FMNL3: variants seen among roughly 807,000 people sequenced by gnomAD.
FMNL3 encodes the protein formin-like protein 3.
FMNL3 carries 57 observed loss-of-function variants against 119.6 expected under a neutral mutation model. The ratio of observed to expected loss-of-function variants is 0.48; its 90% confidence interval spans 0.39 to 0.59. The LOEUF (loss-of-function observed/expected upper bound fraction) is 0.59. FMNL3 is among the 20% of genes least tolerant of loss of function. The pLI, the probability that FMNL3 is intolerant of heterozygous loss-of-function variation, is 0.00. For missense variants in FMNL3, 1,053 were observed against 1,323.5 expected (o/e 0.80, Z 3.17); for synonymous variants, 491 against 507.3 (o/e 0.97, Z 0.43).
chr12:49,668,081 C>T (rs1016394705), intron 2 of FMNL3, among the ~76,000 whole-genome samples: 15 of 152,200 alleles, frequency 9.9e-5, no homozygotes, highest in African/African-American at 3.6e-4. Context: ...GCTTCTCATT[C>T]CTAGAGGCCC....
rs775448396 is a variant in FMNL3 at position 49,643,992 on chromosome 12, CAAG to C, written c.*1820_*1822del. On this transcript the variant is annotated 3_prime_UTR_variant, in exon 26 of 26. Transcript: ENST00000335154. ...CTAACCGTTCCCCAGGCTTTGGAATCAAGAAGGAGAAGGTGAGGGGCAGGGGCC... is the reference window on the plus strand; with the variant it reads ...CTAACCGTTCCCCAGGCTTTGGAATCAAGGAGAAGGTGAGGGGCAGGGGCC... 33 of 1,614,052 alleles carry C rather than the reference CAAG, an allele frequency of 2.0e-5. No homozygotes were observed. Among genetic ancestry groups the C allele is most frequent in the African/African-American group, 2.7e-5 (2 of 74,926 alleles).
At chr12:49,682,187 C>T (rs1217052140) in intron 1 of FMNL3, among the ~76,000 whole-genome samples, 2 of 151,920 alleles carry the variant, frequency 1.3e-5, no homozygotes, top group East Asian at 1.9e-4. Flanking sequence ...TCTCCTGCCT[C>T]AGCCTCCCAA....
intron 5 of FMNL3, chr12:49,659,954 G>A (rs1400729312): frequency 2.0e-6 from 2 of 985,438 alleles, no homozygotes; most frequent in Non-Finnish European, 2.4e-6. Flanking sequence ...AGAGGTTGAG[G>A]CTTTCTGGAA....
At chr12:49,667,991 G>C (rs1242668948) in intron 2 of FMNL3, among the ~76,000 whole-genome samples, 2 of 152,184 alleles carry the variant, frequency 1.3e-5, no homozygotes, top group South Asian at 4.1e-4. Flanking sequence ...TTCTCTTCCA[G>C]CTCTCAACAC....
At chr12:49,666,343 T>C (rs1051007190) in intron 2 of FMNL3, 136 bp from the exon 3 acceptor site, 3 of 691,682 alleles carry the variant, frequency 4.3e-6, no homozygotes, top group African/African-American at 3.6e-5. Flanking sequence ...GCTCTAGATA[T>C]CACCTAAACT....
In FMNL3 at chr12:49,642,496, CCCAG is replaced by C; in HGVS notation, c.*3315_*3318del. On this transcript the variant is annotated 3_prime_UTR_variant, in exon 26 of 26. Coordinates refer to ENST00000335154, the MANE Select transcript of FMNL3 (RefSeq NM_175736.5). The surrounding 1 kb of genome is among the most constrained non-coding windows in gnomAD (Gnocchi z 5.8). ...GCTCCAGTTCCCTTCCTTTCTCTGC[CCCAG>C]CCCTGCCCTGTGCTCATGGCGGTGT... The C allele has an allele frequency of 6.3e-7, 1 of 1,578,966 alleles. No homozygotes were observed. Among genetic ancestry groups the C allele is most frequent in the South Asian group, 1.1e-5 (1 of 89,648 alleles).
At position 49,641,659 on chromosome 12, in the gene FMNL3, T is replaced by TAATC; in HGVS notation, c.*4152_*4155dup. The TAATC allele has an allele frequency of 2.1e-6, 1 of 486,342 alleles. No homozygotes were observed. Among genetic ancestry groups the TAATC allele is most frequent in the Non-Finnish European group, 3.7e-6 (1 of 273,388 alleles). 30.1% of individuals were successfully genotyped at this position (486,342 alleles called of 1,614,324 possible). A position where few individuals can be genotyped will look rare whatever the true frequency, so the allele number is the denominator to read the frequency against. On this transcript the variant is annotated 3_prime_UTR_variant, in exon 26 of 26. Coordinates refer to ENST00000335154, the MANE Select transcript of FMNL3 (RefSeq NM_175736.5). ...AAGTTAATTTTGAGAAACTCAGCAT[T>TAATC]AATCAGCAGTTGGGAGACATCTCCC...
chr12:49,656,734 G>C (rs1943581327), intron 8 of FMNL3, 89 bp downstream of exon 8: 1 of 1,312,680 alleles, frequency 7.6e-7, no homozygotes, highest in Non-Finnish European at 1.1e-6. Context: ...AGGACTCCAA[G>C]GCCAGGCAGA....
chr12:49,693,298 C>T (rs375653440), intron 1 of FMNL3, among the ~76,000 whole-genome samples: 5 of 151,942 alleles, frequency 3.3e-5, no homozygotes, highest in Admixed American at 2.0e-4. Flanking sequence ...TAGACCAGGG[C>T]GGTGGCAGTA....
chr12:49,656,632 G>A, intron 8 of FMNL3, 135 bp from the exon 9 acceptor site: 1 of 912,692 alleles, frequency 1.1e-6, no homozygotes, highest in East Asian at 2.6e-5. Context: ...GGGAGAAAGA[G>A]GGCTTGCTCC....
intron 1 of FMNL3, among the ~76,000 whole-genome samples, chr12:49,679,369 G>C (rs1944276263): frequency 6.6e-6 from 1 of 151,850 alleles, no homozygotes; most frequent in Non-Finnish European, 1.5e-5. Context: ...CATCCTTCAG[G>C]ACCAATCAGT....
chr12:49,685,085 T>A (rs555813145), intron 1 of FMNL3, among the ~76,000 whole-genome samples: 1 of 152,282 alleles, frequency 6.6e-6, no homozygotes, highest in East Asian at 1.9e-4. Context: ...TGAGCCCATA[T>A]AACAGCAACT....
Position 49,644,148 on chromosome 12 carries a change from A to AGGC in FMNL3, c.*1664_*1666dup. 1.2e-6 allele frequency: 2 copies of AGGC among 1,614,068 alleles called. No individual in the cohort carries two copies. Among genetic ancestry groups the AGGC allele is most frequent in the Non-Finnish European group, 1.7e-6 (2 of 1,179,992 alleles). On this transcript the variant is annotated 3_prime_UTR_variant, in exon 26 of 26. Coordinates refer to ENST00000335154, the MANE Select transcript of FMNL3 (RefSeq NM_175736.5). ...TGAGCTGAGTGAGGGTGAGCTGGAG[A>AGGC]GGCGGCGGCGGACACTCCTACAGCA... is the stretch of plus-strand genomic sequence containing the variant.
chr12:49,661,099 T>G (rs1372943631), intron 5 of FMNL3, among the ~76,000 whole-genome samples: 1 of 152,256 alleles, frequency 6.6e-6, no homozygotes, highest in Admixed American at 6.5e-5. Flanking sequence ...GGTGTAAGTC[T>G]AAATGTGTTG....
intron 1 of FMNL3, among the ~76,000 whole-genome samples, chr12:49,675,078 C>T (rs1353098567): frequency 6.6e-6 from 1 of 152,194 alleles, no homozygotes; most frequent in Admixed American, 6.5e-5. Flanking sequence ...TTGGTAAAGC[C>T]TCAAACTCTT....
intron 1 of FMNL3, among the ~76,000 whole-genome samples, chr12:49,699,682 A>T (rs1944848645): frequency 6.6e-6 from 1 of 152,242 alleles, no homozygotes; most frequent in African/African-American, 2.4e-5. Flanking sequence ...ATATTTTATA[A>T]TGAAAAACTA....
chr12:49,651,290 T>C lies in FMNL3; in HGVS notation c.1675A>G (p.Ile559Val), dbSNP rs747585715. 1 of 1,611,340 alleles carries C rather than the reference T, an allele frequency of 6.2e-7. No individual in the cohort carries two copies. The highest frequency in any genetic ancestry group is 1.3e-5 in the African/African-American group (1 of 74,968). ...GTCTTGATAGGTTTCTTAATTCGAATGGCTAATTTGGAAGGAGGATCAGTG... is the reference window on the plus strand; with the variant it reads ...GTCTTGATAGGTTTCTTAATTCGAACGGCTAATTTGGAAGGAGGATCAGTG... ...SVVLTVGLSAIRIKKPIKTKF... is the reference protein window; with the variant it reads ...SVVLTVGLSAVRIKKPIKTKF... The change falls in exon 16 of 26, where the codon ATT becomes GTT. Residue 559 changes from isoleucine to valine, a missense_variant and splice_region_variant. Around this residue, in one of 4 missense-constraint regions of FMNL3, gnomAD observed 445 missense variants for 628.4 expected, o/e 0.71. Transcript: ENST00000335154.
At chr12:49,651,093 A>C (rs1943384207) in intron 16 of FMNL3, 75 bp downstream of exon 16, 1 of 1,582,216 alleles carries the variant, frequency 6.3e-7, no homozygotes, top group Non-Finnish European at 8.6e-7. Flanking sequence ...GGCTTTTCTA[A>C]GACCAGAATC....
At position 49,647,162 on chromosome 12, in the gene FMNL3, G is replaced by T. The variant is rs1592636503; in HGVS notation, c.2871+114C>A. 2 of 1,546,214 alleles carry T rather than the reference G, an allele frequency of 1.3e-6. No individual in the cohort carries two copies. Among genetic ancestry groups the T allele is most frequent in the East Asian group, 4.5e-5 (2 of 44,352 alleles). ...CCATCCCTCTGGATGCCAGCCCACT[G>T]GCCCTCTGGGTGGTCTGTCCACTCC... On this transcript the variant is annotated intron_variant, in intron 24 of 25. Coordinates refer to ENST00000335154, the MANE Select transcript of FMNL3 (RefSeq NM_175736.5). The surrounding 1 kb of genome is among the most constrained non-coding windows in gnomAD (Gnocchi z 4.9).
Sources: allele counts gnomAD v4.1 joint callset (sites outside exome capture counted in the v4.1 genomes callset), GRCh38; gene constraint gnomAD v4.1.1; regional missense constraint gnomAD v4.1.1; non-coding constraint Gnocchi (gnomAD v3.1); transcripts MANE v1.5; gene names NCBI Gene and HGNC (gene_info 2026-07-23, HGNC 2026-07-21).